The following RAB28 variants were observed in gnomAD, a reference collection of about 807,000 sequenced individuals.
RAB28 encodes the protein RAB28, member RAS oncogene family, also known as ras-related protein Rab-28.
A neutral mutation model predicts 31.7 loss-of-function variants in RAB28; 24 were observed. The ratio of observed to expected loss-of-function variants is 0.76; its 90% CI spans 0.55 to 1.06. RAB28 has a LOEUF of 1.06. RAB28 is among the 50% of genes least tolerant of loss of function. The pLI is 0.00. For synonymous variants in RAB28, 100 were observed against 90.4 expected (o/e 1.11, Z -0.60); for missense variants, 254 against 258.5 (o/e 0.98, Z 0.12).
At chr4:13,406,407 G>A (rs1172793130) in intron 4 of RAB28, among the ~76,000 whole-genome samples, 1 of 152,140 alleles carries the variant, frequency 6.6e-6, no homozygotes, top group Admixed American at 6.5e-5. Flanking sequence ...ACCATTGGTG[G>A]GCATTTGGGA....
chr4:13,381,507 G>C lies in RAB28; in HGVS notation c.479C>G (p.Ala160Gly). The change falls in exon 5 of 7, where the codon GCC (alanine) becomes GGC (glycine). Residue 160 changes from alanine (A) to glycine (G), a missense_variant. By Grantham distance (60) the Ala-to-Gly change is moderately conservative (BLOSUM62 0). Transcript: ENST00000330852. ...TTTACTTACAGAGTCTCCTGTCTTG[G>C]CTGAGACAAAGTGGCTACTAAAACC... is the stretch of plus-strand genomic sequence containing the variant. ...ENGFSSHFVS[A>G]KTGDSVFLCF... The C allele has an allele frequency of 6.2e-7, 1 of 1,610,762 alleles. No individual in the cohort carries two copies. The highest frequency in any genetic ancestry group is 8.5e-7 in the Non-Finnish European group (1 of 1,177,336).
intron 4 of RAB28, among the ~76,000 whole-genome samples, chr4:13,407,575 T>C (rs374915147): frequency 2.0e-4 from 31 of 152,336 alleles, no homozygotes; most frequent in South Asian, 1.9e-3. Context: ...GGGGATGGCA[T>C]TGAATCTATA....
At chr4:13,472,041 G>A (rs1260642537) in intron 3 of RAB28, among the ~76,000 whole-genome samples, 1 of 152,018 alleles carries the variant, frequency 6.6e-6, no homozygotes, top group Non-Finnish European at 1.5e-5. Context: ...GCTTACTGTA[G>A]GCAGCTTTGT....
At chr4:13,416,906 T>C (rs11735045) in intron 4 of RAB28, among the ~76,000 whole-genome samples, 1,772 of 152,152 alleles carry the variant, frequency 0.012, 13 homozygotes, top group Non-Finnish European at 0.018. Flanking sequence ...ATGCAGCCCA[T>C]GGATGGCAAG....
intron 4 of RAB28, among the ~76,000 whole-genome samples, chr4:13,414,573 C>T (rs1712636725): frequency 6.6e-6 from 1 of 152,158 alleles, no homozygotes; most frequent in Admixed American, 6.6e-5. Flanking sequence ...CTACAGTAAA[C>T]AGAAACATAT....
intron 4 of RAB28, among the ~76,000 whole-genome samples, chr4:13,384,924 T>C (rs1729298340): frequency 6.6e-6 from 1 of 152,124 alleles, no homozygotes; most frequent in African/African-American, 2.4e-5. Context: ...GTCACTGAGA[T>C]GCAGGAGTAT....
At chr4:13,458,904 A>T (rs1715446891) in intron 4 of RAB28, among the ~76,000 whole-genome samples, 1 of 152,226 alleles carries the variant, frequency 6.6e-6, no homozygotes, top group South Asian at 2.1e-4. Context: ...TGTCAACTTG[A>T]TTGGCGTGAA....
At chr4:13,437,822 C>T (rs28555370) in intron 4 of RAB28, among the ~76,000 whole-genome samples, 14,273 of 152,018 alleles carry the variant, frequency 0.094, 1,321 homozygotes, top group African/African-American at 0.24. Flanking sequence ...AAAACTACCA[C>T]TCAACCCAGC....
At chr4:13,407,333 T>C (rs191147920) in intron 4 of RAB28, among the ~76,000 whole-genome samples, 1 of 152,314 alleles carries the variant, frequency 6.6e-6, no homozygotes, top group East Asian at 1.9e-4. Context: ...GTGGCGTTAT[T>C]TCTGAGGCCT....
intron 4 of RAB28, among the ~76,000 whole-genome samples, chr4:13,404,054 C>T (rs989997084): frequency 1.3e-5 from 2 of 152,030 alleles, no homozygotes; most frequent in African/African-American, 4.8e-5. Flanking sequence ...AATAAGACAA[C>T]TGTTCAAGAA....
chr4:13,432,982 T>C (rs551061906), intron 4 of RAB28, among the ~76,000 whole-genome samples: 1 of 140,150 alleles, frequency 7.1e-6, no homozygotes, highest in Non-Finnish European at 1.6e-5. Context: ...AAATTGAATT[T>C]AAAAAAAAAA....
intron 4 of RAB28, among the ~76,000 whole-genome samples, chr4:13,418,525 G>A (rs1712929941): frequency 6.6e-6 from 1 of 152,192 alleles, no homozygotes; most frequent in Non-Finnish European, 1.5e-5. Flanking sequence ...TACTCACAAG[G>A]GGAAGCCCAT....
At chr4:13,418,587 G>A (rs976691231) in intron 4 of RAB28, among the ~76,000 whole-genome samples, 21 of 152,168 alleles carry the variant, frequency 1.4e-4, no homozygotes, top group African/African-American at 4.8e-4. Context: ...AAGACAGCAG[G>A]GGCCAATATT....
In RAB28 at chr4:13,484,230, G is replaced by A. The variant is rs960126576; in HGVS notation, c.-80C>T. 4.3e-6 allele frequency: 5 copies of A among 1,171,898 alleles called. No homozygotes were observed. The highest frequency in any genetic ancestry group is 2.6e-5 in the South Asian group (2 of 76,368). 72.6% of individuals were successfully genotyped at this position (1,171,898 alleles called of 1,614,324 possible). ...AGGCTCCGGGGGCGGGGGAGAGGAG[G>A]AAGGGAGGTAGTTGCGGCAGGACCC... On this transcript the variant is annotated 5_prime_UTR_variant, in exon 1 of 7. Coordinates refer to ENST00000330852, the MANE Select transcript of RAB28 (RefSeq NM_001017979.3).
intron 1 of RAB28, among the ~76,000 whole-genome samples, chr4:13,479,867 ATAAT>A (rs1340319166): frequency 6.6e-6 from 1 of 151,768 alleles, no homozygotes; most frequent in African/African-American, 2.4e-5. Flanking sequence ...ATTTTAAAAC[ATAAT>A]TAAAGATCTA....
intron 4 of RAB28, among the ~76,000 whole-genome samples, chr4:13,439,079 G>A (rs1714278464): frequency 6.6e-6 from 1 of 152,012 alleles, no homozygotes; most frequent in Non-Finnish European, 1.5e-5. Context: ...ATCTTCTCTA[G>A]GGAAATGTAT....
intron 4 of RAB28, chr4:13,459,786 CTT>C: frequency 8.4e-7 from 1 of 1,194,274 alleles, no homozygotes; most frequent in Non-Finnish European, 1.1e-6. Context: ...AATGTAGACA[CTT>C]CTTTCTTCCC....
intron 4 of RAB28, among the ~76,000 whole-genome samples, chr4:13,417,839 T>C (rs1712886551): frequency 6.6e-6 from 1 of 152,140 alleles, no homozygotes; most frequent in Non-Finnish European, 1.5e-5. Flanking sequence ...GAACACCTCT[T>C]CTCCTGCAAA....
intron 4 of RAB28, among the ~76,000 whole-genome samples, chr4:13,412,395 C>G (rs16888645): frequency 2.6e-5 from 4 of 152,096 alleles, no homozygotes; most frequent in African/African-American, 9.7e-5. Flanking sequence ...CCGCAAGCAA[C>G]TATCTAATGT....
Sources: gnomAD v4.1 joint callset for allele counts (sites outside exome capture counted in the v4.1 genomes callset) on GRCh38, gnomAD v4.1.1 for gene constraint, MANE v1.5 for transcripts, NCBI Gene and HGNC (gene_info 2026-07-23, HGNC 2026-07-21) for gene names.